The following SMARCA2 variants were observed in gnomAD, a reference collection of about 807,000 sequenced individuals.
SMARCA2 encodes the protein SWI/SNF-related matrix-associated actin-dependent regulator of chromatin subfamily A member 2.
SMARCA2 carries 61 observed loss-of-function variants against 199.8 expected under a neutral mutation model. That is an observed-to-expected ratio of 0.31 (90% CI 0.25 to 0.38). The LOEUF (loss-of-function observed/expected upper bound fraction) is 0.38. Among genes scored for constraint, SMARCA2 ranks in the 10% least tolerant of loss-of-function variants. The pLI is 1.00. For synonymous variants in SMARCA2, 935 were observed against 732.0 expected (o/e 1.28, Z -4.48); for missense variants, 1,344 against 2,012.2 (o/e 0.67, Z 6.35).
At chr9:2,109,631 GT>G (rs1355226927) in intron 23 of SMARCA2, among the ~76,000 whole-genome samples, 9 of 123,392 alleles carry the variant, frequency 7.3e-5, no homozygotes, top group Admixed American at 2.2e-4. Context: ...GAGATTTCTT[GT>G]GGGGGGGGTG....
intron 1 of SMARCA2, among the ~76,000 whole-genome samples, chr9:2,024,979 G>C (rs1435766741): frequency 6.6e-6 from 1 of 152,186 alleles, no homozygotes; most frequent in African/African-American, 2.4e-5. Context: ...CAATTAGACT[G>C]TAAGACACAA....
At chr9:2,138,575 C>T (rs951588441) in intron 27 of SMARCA2, among the ~76,000 whole-genome samples, 1 of 152,126 alleles carries the variant, frequency 6.6e-6, no homozygotes. Flanking sequence ...TCCCATAGTC[C>T]GTTCTTCTCT....
chr9:2,033,171 T>C, intron 3 of SMARCA2, 90 bp downstream of exon 3: 1 of 1,469,014 alleles, frequency 6.8e-7, no homozygotes, highest in Non-Finnish European at 9.3e-7. Context: ...TTCCAAAGAA[T>C]GTGTCTAAGG....
chr9:2,191,236 T>G, intron 32 of SMARCA2, 30 bp from the exon 33 acceptor site: 2 of 1,609,690 alleles, frequency 1.2e-6, no homozygotes, highest in Non-Finnish European at 1.7e-6. Context: ...GATTACTCAC[T>G]GGTGTCTATT....
At chr9:2,132,030 T>A (rs1178746740) in intron 27 of SMARCA2, among the ~76,000 whole-genome samples, 1 of 152,046 alleles carries the variant, frequency 6.6e-6, no homozygotes, top group Non-Finnish European at 1.5e-5. Context: ...GAATTTAGTG[T>A]CTTTAAAAAG....
chr9:2,077,702 G>A lies in SMARCA2; in HGVS notation c.2110G>A (p.Val704Met), dbSNP rs750259032. Reference protein sequence around the residue: ...SARGSQSYYTVAHAISERVEK... With the variant: ...SARGSQSYYTMAHAISERVEK... Reference sequence around the variant, plus strand: ...CAGGGGCTCCCAGTCCTACTACACCGTGGCTCATGCCATCTCGGAGAGGGT... The same window carrying A: ...CAGGGGCTCCCAGTCCTACTACACCATGGCTCATGCCATCTCGGAGAGGGT... The change falls in exon 14 of 34, where the codon GTG (valine) becomes ATG (methionine). Residue 704 changes from valine to methionine, a missense_variant. Physicochemically the swap from Val to Met is conservative, Grantham distance 21. Coordinates refer to ENST00000349721, the MANE Select transcript of SMARCA2 (RefSeq NM_003070.5). 3 of 1,613,916 alleles carry A rather than the reference G, an allele frequency of 1.9e-6. No individual in the cohort carries two copies. The highest frequency in any genetic ancestry group is 1.7e-5 in the Admixed American group (1 of 60,024).
chr9:2,144,055 A>G (rs1250013818), intron 27 of SMARCA2, among the ~76,000 whole-genome samples: 1 of 151,706 alleles, frequency 6.6e-6, no homozygotes, highest in Non-Finnish European at 1.5e-5. Flanking sequence ...CCCTTTTCAT[A>G]GGGGAGCCGG....
chr9:2,178,082 A>AG (rs2129828341), intron 29 of SMARCA2, among the ~76,000 whole-genome samples: 1 of 13,910 alleles, frequency 7.2e-5, no homozygotes, highest in Admixed American at 1.1e-3. Context: ...TGTGTATATA[A>AG]GCCATGCATA....
chr9:2,170,408 C>G lies in SMARCA2; in HGVS notation c.4200-11C>G. On this transcript the variant is annotated splice_polypyrimidine_tract_variant and intron_variant, in intron 28 of 33. Coordinates refer to ENST00000349721, the MANE Select transcript of SMARCA2 (RefSeq NM_003070.5). The surrounding 1 kb of genome is among the most constrained non-coding windows in gnomAD (Gnocchi z 4.7). ...TCTTCTGACTCTAGTGTTCTTTCTA[C>G]TCTACCGCAGGTGTAACGTGGAGAA... 2 of 1,614,088 alleles carry G rather than the reference C, an allele frequency of 1.2e-6. No homozygotes were observed. The highest frequency in any genetic ancestry group is 4.5e-5 in the East Asian group (2 of 44,868).
intron 24 of SMARCA2, among the ~76,000 whole-genome samples, chr9:2,114,494 TG>T (rs2130594809): frequency 6.6e-6 from 1 of 152,318 alleles, no homozygotes; most frequent in Non-Finnish European, 1.5e-5. Context: ...CTGCAAATTA[TG>T]GTGCCAGGGA....
chr9:2,192,394 A>G lies in SMARCA2; in HGVS notation c.4738-310A>G, dbSNP rs1489478099. ...AATGCAGGGTATTTTTTTTTCTCCCATGAATTTTCTAAAACCTGGGGCTGA... is the reference window on the plus strand; with the variant it reads ...AATGCAGGGTATTTTTTTTTCTCCCGTGAATTTTCTAAAACCTGGGGCTGA... On this transcript the variant is annotated intron_variant, in intron 33 of 33. Coordinates refer to ENST00000349721, the MANE Select transcript of SMARCA2 (RefSeq NM_003070.5). 14 of 333,044 alleles carry G rather than the reference A, an allele frequency of 4.2e-5. No homozygotes were observed. In the Admixed American group the frequency reaches 5.9e-4, roughly 14 times the overall value. 20.6% of individuals were successfully genotyped at this position (333,044 alleles called of 1,614,324 possible).
At chr9:2,155,491 C>G (rs942180963) in intron 27 of SMARCA2, among the ~76,000 whole-genome samples, 1 of 152,128 alleles carries the variant, frequency 6.6e-6, no homozygotes, top group Non-Finnish European at 1.5e-5. Context: ...CCATATTGGC[C>G]AGGCTGGTCT....
intron 9 of SMARCA2, among the ~76,000 whole-genome samples, chr9:2,061,245 A>G (rs1381788516): frequency 6.6e-6 from 1 of 152,252 alleles, no homozygotes; most frequent in African/African-American, 2.4e-5. Context: ...AGAAGATTTT[A>G]AATTAAGTAC....
chr9:2,103,561 A>C (rs1192625518), intron 22 of SMARCA2, among the ~76,000 whole-genome samples: 1 of 152,110 alleles, frequency 6.6e-6, no homozygotes, highest in East Asian at 1.9e-4. Flanking sequence ...ATGAATCTTA[A>C]GTGCCCTGAA....
At chr9:2,092,784 C>G (rs1822113684) in intron 19 of SMARCA2, among the ~76,000 whole-genome samples, 1 of 152,180 alleles carries the variant, frequency 6.6e-6, no homozygotes, top group Non-Finnish European at 1.5e-5. Flanking sequence ...TCTCACAAAC[C>G]TAACTTACTG....
chr9:2,085,142 A>AG (rs1821745710), intron 17 of SMARCA2, among the ~76,000 whole-genome samples: 1 of 152,184 alleles, frequency 6.6e-6, no homozygotes, highest in Admixed American at 6.5e-5. Flanking sequence ...ATGTGTTCCC[A>AG]GGGGAGGTTT....
intron 1 of SMARCA2, among the ~76,000 whole-genome samples, chr9:2,025,747 T>C (rs1818802196): frequency 6.6e-6 from 1 of 152,192 alleles, no homozygotes; most frequent in African/African-American, 2.4e-5. Flanking sequence ...TTTCCCCAGG[T>C]TTCTTCATAC....
intron 20 of SMARCA2, 43 bp from the exon 21 acceptor site, chr9:2,097,342 A>G (rs1822314836): frequency 8.1e-7 from 1 of 1,241,814 alleles, no homozygotes; most frequent in South Asian, 1.2e-5. Flanking sequence ...ATGTCTGACC[A>G]GTTAATAATT....
At position 2,161,374 on chromosome 9, in the gene SMARCA2, G is replaced by C. The variant is rs575749333; in HGVS notation, c.3982-312G>C. ...CTTAAACTGAGCTAAAATTTCATCT[G>C]GATTCAGTTATCATCAAACACTTGA... is the stretch of plus-strand genomic sequence containing the variant. On this transcript the variant is annotated intron_variant, in intron 27 of 33. Coordinates refer to ENST00000349721, the MANE Select transcript of SMARCA2 (RefSeq NM_003070.5). This position sits in a 1 kb window ranked among gnomAD's most constrained non-coding sequence, Gnocchi z 4.7. 1.2e-4 allele frequency among the ~76,000 whole-genome samples: 19 copies of C among 152,108 alleles called. No homozygotes were observed. Among genetic ancestry groups the C allele is most frequent in the Non-Finnish European group, 2.1e-4 (14 of 67,986 alleles).
Sources: allele counts gnomAD v4.1 joint callset (sites outside exome capture counted in the v4.1 genomes callset), GRCh38; gene constraint gnomAD v4.1.1; non-coding constraint Gnocchi (gnomAD v3.1); transcripts MANE v1.5; gene names NCBI Gene and HGNC (gene_info 2026-07-23, HGNC 2026-07-21).